The following MGAT4A variants were observed in gnomAD, a reference collection of about 807,000 sequenced individuals.
The protein encoded by MGAT4A is N-acetylglucosaminyltransferase IVa.
In MGAT4A, 33 loss-of-function variants were observed where a neutral mutation model predicts 74.1. That is an observed-to-expected ratio of 0.45 (90% CI 0.34 to 0.60). The LOEUF (loss-of-function observed/expected upper bound fraction) is 0.60, where lower values mean the gene tolerates loss of function less well. Among genes scored for constraint, MGAT4A ranks in the 20% least tolerant of loss-of-function variants. The pLI, the probability that MGAT4A is intolerant of heterozygous loss-of-function variation, is 0.02. For synonymous variants in MGAT4A, 198 were observed against 210.4 expected, an observed-to-expected ratio of 0.94 and a Z score of 0.51; for missense variants, 479 against 628.3, an observed-to-expected ratio of 0.76 and a Z score of 2.54.
intron 14 of MGAT4A, among the ~76,000 whole-genome samples, chr2:98,631,300 T>A (rs1701229210): frequency 6.6e-6 from 1 of 152,160 alleles, no homozygotes; most frequent in Admixed American, 6.5e-5. Flanking sequence ...CAGGCCCCTC[T>A]CCAGGGCCAG....
chr2:98,685,833 G>C (rs1702121414), intron 2 of MGAT4A, among the ~76,000 whole-genome samples: 1 of 152,118 alleles, frequency 6.6e-6, no homozygotes, highest in Non-Finnish European at 1.5e-5. Flanking sequence ...TTTCTAACAA[G>C]CTCCCAGGTG....
intron 9 of MGAT4A, among the ~76,000 whole-genome samples, 165 bp downstream of exon 9, chr2:98,645,249 TCTATTCTGGGTTGA>T (rs1035693036): frequency 5.9e-5 from 9 of 152,306 alleles, no homozygotes; most frequent in Admixed American, 5.9e-4. Context: ...GTCTCCAAAT[TCTATTCTGGGTTGA>T]CTTTCATCAT....
At chr2:98,726,859 C>T (rs1052917871) in intron 1 of MGAT4A, 1 of 152,450 alleles carries the variant, frequency 6.6e-6, no homozygotes, top group Non-Finnish European at 1.5e-5. Flanking sequence ...CTCACAGATT[C>T]CAAGATGAGA....
At chr2:98,647,084 G>C (rs1701496874) in intron 8 of MGAT4A, among the ~76,000 whole-genome samples, 1 of 152,148 alleles carries the variant, frequency 6.6e-6, no homozygotes, top group African/African-American at 2.4e-5. Flanking sequence ...ATAGCATTTA[G>C]AACTAAGCTA....
At chr2:98,705,637 C>T (rs946364577) in intron 2 of MGAT4A, among the ~76,000 whole-genome samples, 8 of 152,074 alleles carry the variant, frequency 5.3e-5, no homozygotes, top group Admixed American at 3.9e-4. Flanking sequence ...TGGAGTAGTC[C>T]GAACTTAATG....
At position 98,705,936 on chromosome 2, in the gene MGAT4A, G is replaced by A. The variant is rs374876824; in HGVS notation, c.94+20303C>T. 1.4e-3 allele frequency among the ~76,000 whole-genome samples: 181 copies of A among 128,306 alleles called. 1 individual carries two copies. Among genetic ancestry groups the A allele is most frequent in the Middle Eastern group, 0.01 (2 of 196 alleles). 84.2% of individuals were successfully genotyped at this position (128,306 alleles called of 152,430 possible). A position where few individuals can be genotyped will look rare whatever the true frequency, so the allele number is the denominator to read the frequency against. On this transcript the variant is annotated intron_variant, in intron 2 of 15. Transcript: ENST00000393487. Reference sequence around the variant, plus strand: ...CGCAGTCCGACCTGGGCGACAGAGCGAGACTCCGTCTCAAAAAAAAAAAAA... The same window carrying A: ...CGCAGTCCGACCTGGGCGACAGAGCAAGACTCCGTCTCAAAAAAAAAAAAA...
intron 1 of MGAT4A, among the ~76,000 whole-genome samples, chr2:98,729,357 C>G (rs1467955594): frequency 5.3e-5 from 8 of 152,160 alleles, no homozygotes; most frequent in African/African-American, 1.9e-4. Context: ...AGTGAAGAAA[C>G]TCTTCGGACA....
chr2:98,663,489 T>C (rs1701783088), intron 4 of MGAT4A: 3 of 1,379,938 alleles, frequency 2.2e-6, no homozygotes, highest in Non-Finnish European at 2.8e-6. Flanking sequence ...TTAAAAACAC[T>C]AAACATATCT....
intron 8 of MGAT4A, among the ~76,000 whole-genome samples, chr2:98,652,923 C>A (rs144602215): frequency 4.6e-5 from 7 of 152,092 alleles, no homozygotes; most frequent in Non-Finnish European, 1.0e-4. Context: ...GTGCCGCCCA[C>A]CAACAAATTT....
Position 98,624,535 on chromosome 2 carries a change from T to C in MGAT4A, c.*1031A>G. The stretch of plus-strand genomic sequence containing the variant: ...TCACCAAAAAACAATATTACAATTT[T>C]CTTTAAAATTATACCAATTATGACT... On this transcript the variant is annotated 3_prime_UTR_variant, in exon 16 of 16. Coordinates refer to ENST00000393487, the MANE Select transcript of MGAT4A (RefSeq NM_012214.3). 2.0e-6 allele frequency: 2 copies of C among 976,408 alleles called. No individual in the cohort carries two copies. The highest frequency in any genetic ancestry group is 4.7e-5 in the South Asian group (1 of 21,118). The allele number at this position is 976,408 out of a possible 1,614,324, so 60.5% of individuals were successfully genotyped here.
chr2:98,622,045 C>G lies in MGAT4A; in HGVS notation c.*3521G>C. The G allele has an allele frequency of 1.0e-6, 1 of 985,468 alleles. No homozygotes were observed. Among genetic ancestry groups the G allele is most frequent in the Non-Finnish European group, 1.2e-6 (1 of 829,990 alleles). 61.0% of individuals were successfully genotyped at this position (985,468 alleles called of 1,614,324 possible). ...GTTCTGACTACACAGTATGGTACAG[C>G]GCGTGATGTGGAGAATGCATGAGAC... On this transcript the variant is annotated 3_prime_UTR_variant, in exon 16 of 16. Transcript: ENST00000393487.
In MGAT4A at chr2:98,640,247, C is replaced by T; in HGVS notation, c.1021-19G>A. ...AATGTTTCTAAATATTAAAAAAAAT[C>T]ACGTTAGTGTTGCATCATAAAGTGA... On this transcript the variant is annotated intron_variant, in intron 10 of 15. Coordinates refer to ENST00000393487, the MANE Select transcript of MGAT4A (RefSeq NM_012214.3). 1 of 1,578,624 alleles carries T rather than the reference C, an allele frequency of 6.3e-7. No individual in the cohort carries two copies. Among genetic ancestry groups the T allele is most frequent in the African/African-American group, 1.4e-5 (1 of 73,784 alleles).
Position 98,726,387 on chromosome 2 carries a change from T to C in MGAT4A, c.-55A>G, listed in dbSNP as rs750737577. Reference sequence around the variant, plus strand: ...TTTATGATGACAACAACCAGGACTGTTTTCTTTTTACCCTGAAAGTCAACT... The same window carrying C: ...TTTATGATGACAACAACCAGGACTGCTTTCTTTTTACCCTGAAAGTCAACT... On this transcript the variant is annotated 5_prime_UTR_variant, in exon 2 of 16. Transcript: ENST00000393487. The C allele has an allele frequency of 2.7e-6, 4 of 1,494,888 alleles. No individual in the cohort carries two copies. Among genetic ancestry groups the C allele is most frequent in the Non-Finnish European group, 1.8e-6 (2 of 1,081,408 alleles). 92.6% of individuals were successfully genotyped at this position (1,494,888 alleles called of 1,614,324 possible).
chr2:98,696,540 T>C (rs1371030356), intron 2 of MGAT4A, among the ~76,000 whole-genome samples: 3 of 152,254 alleles, frequency 2.0e-5, no homozygotes, highest in African/African-American at 4.8e-5. Context: ...AATACAAGCA[T>C]TGCTTTTGGC....
chr2:98,659,341 G>C (rs780142866), intron 5 of MGAT4A, among the ~76,000 whole-genome samples: 1 of 152,052 alleles, frequency 6.6e-6, no homozygotes, highest in Non-Finnish European at 1.5e-5. Context: ...TTATTTCTCC[G>C]GTGTGTGTGT....
In MGAT4A at chr2:98,640,364, T is replaced by C. The variant is rs1701387440; in HGVS notation, c.1021-136A>G. 3 of 692,352 alleles carry C rather than the reference T, an allele frequency of 4.3e-6. No homozygotes were observed. The East Asian group carries it at 8.3e-5, about 19-fold the overall frequency. The allele number at this position is 692,352 out of a possible 1,614,324, so 42.9% of individuals were successfully genotyped here. A position where few individuals can be genotyped will look rare whatever the true frequency, so the allele number is the denominator to read the frequency against. On this transcript the variant is annotated intron_variant, in intron 10 of 15. Coordinates refer to ENST00000393487, the MANE Select transcript of MGAT4A (RefSeq NM_012214.3). ...GTGGGTCATGCCTATAATCCCAGCA[T>C]GTTGAAAGGCCAAGGCAGGTGGATC...
At chr2:98,684,952 C>T (rs761938342) in intron 2 of MGAT4A, among the ~76,000 whole-genome samples, 2 of 152,088 alleles carry the variant, frequency 1.3e-5, no homozygotes, top group Non-Finnish European at 2.9e-5. Context: ...GATAAGTCCT[C>T]TGGGCCGGGC....
intron 14 of MGAT4A, among the ~76,000 whole-genome samples, chr2:98,628,354 T>C (rs1373728091): frequency 1.3e-5 from 2 of 152,254 alleles, no homozygotes; most frequent in African/African-American, 4.8e-5. Context: ...TTCAAACAAT[T>C]GTTATTGCTG....
chr2:98,668,287 T>A (rs566571598), intron 4 of MGAT4A, among the ~76,000 whole-genome samples: 1 of 152,288 alleles, frequency 6.6e-6, no homozygotes, highest in African/African-American at 2.4e-5. Context: ...CCCTCTGCTG[T>A]GTGCAGTCTA....
Sources: allele counts gnomAD v4.1 joint callset (sites outside exome capture counted in the v4.1 genomes callset), GRCh38; gene constraint gnomAD v4.1.1; transcripts MANE v1.5; gene names NCBI Gene and HGNC (gene_info 2026-07-23, HGNC 2026-07-21).